Variants in MLC1 observed in about 807,000 individuals in gnomAD.
MLC1 encodes modulator of VRAC current 1.
A neutral mutation model predicts 44.7 loss-of-function variants in MLC1; 32 were observed. That is an observed-to-expected ratio of 0.72 (90% CI 0.54 to 0.96). MLC1 has a LOEUF of 0.96. Among genes scored for constraint, MLC1 ranks in the 40% least tolerant of loss-of-function variants. The pLI is 0.00. For synonymous variants in MLC1, 190 were observed against 213.0 expected (o/e 0.89, Z 0.94); for missense variants, 459 against 492.2 (o/e 0.93, Z 0.64).
chr22:50,083,193 T>A lies in MLC1; in HGVS notation c.178-20A>T, dbSNP rs1569252046. ...GCAGCTCTGCAAGACAGCGACAGAA[T>A]CCCAGGTTACAACGCGCCCCGTCCC... is the stretch of plus-strand genomic sequence containing the variant. On this transcript the variant is annotated intron_variant, in intron 2 of 11. Transcript: ENST00000311597. This position sits in a 1 kb window ranked among gnomAD's most constrained non-coding sequence, Gnocchi z 4.6. 6.2e-7 allele frequency: 1 copy of A among 1,609,770 alleles called. No homozygotes were observed. The highest frequency in any genetic ancestry group is 2.2e-5 in the East Asian group (1 of 44,838).
chr22:50,071,438 G>A (rs1206281253), intron 8 of MLC1, among the ~76,000 whole-genome samples: 2 of 152,146 alleles, frequency 1.3e-5, no homozygotes, highest in Non-Finnish European at 2.9e-5. Context: ...CTCCTGATCC[G>A]GATTCGGTCT....
intron 5 of MLC1, 26 bp from the exon 6 acceptor site, chr22:50,077,528 CA>C: frequency 6.3e-7 from 1 of 1,589,426 alleles, no homozygotes. Flanking sequence ...CACGCTTCAG[CA>C]CCGGGCCCGC....
intron 8 of MLC1, among the ~76,000 whole-genome samples, chr22:50,071,607 C>T (rs2061853937): frequency 6.6e-6 from 1 of 152,164 alleles, no homozygotes; most frequent in African/African-American, 2.4e-5. Context: ...CCTTGGGGAG[C>T]CTCGGAGGAG....
At chr22:50,084,048 G>A (rs1318097134) in intron 2 of MLC1, among the ~76,000 whole-genome samples, 7 of 152,176 alleles carry the variant, frequency 4.6e-5, no homozygotes, top group African/African-American at 7.2e-5. Flanking sequence ...CAGGGCACAG[G>A]GAGGGGAGAA....
intron 3 of MLC1, among the ~76,000 whole-genome samples, chr22:50,082,448 C>T (rs924270242): frequency 3.9e-5 from 6 of 152,222 alleles, no homozygotes; most frequent in African/African-American, 1.4e-4. Context: ...TCTAAAAACA[C>T]AACATGAAGC....
chr22:50,061,331 C>T lies in MLC1; in HGVS notation c.*252G>A, dbSNP rs973713102. ...GGCCCTTCCTCGGCCTGGGAAGTTG[C>T]GGCCATGCTCCTGCTGTTACGACAC... On this transcript the variant is annotated 3_prime_UTR_variant, in exon 12 of 12. Transcript: ENST00000311597. 9 of 549,494 alleles carry T rather than the reference C, an allele frequency of 1.6e-5. No individual in the cohort carries two copies. Among genetic ancestry groups the T allele is most frequent in the East Asian group, 3.1e-5 (1 of 31,974 alleles). 34.0% of individuals were successfully genotyped at this position (549,494 alleles called of 1,614,324 possible).
At position 50,084,845 on chromosome 22, in the gene MLC1, G is replaced by A. The variant is rs533294413; in HGVS notation, c.58C>T (p.Arg20Trp). 1.2e-5 allele frequency: 19 copies of A among 1,613,568 alleles called. No individual in the cohort carries two copies. The highest frequency in any genetic ancestry group is 1.5e-5 in the Non-Finnish European group (18 of 1,180,048). The change falls in exon 2 of 12, where the codon CGG becomes TGG. Residue 20 changes from arginine to tryptophan, a missense_variant. Arg to Trp is a moderately radical substitution (Grantham distance 101). Coordinates refer to ENST00000311597, the MANE Select transcript of MLC1 (RefSeq NM_015166.4). The part of the protein sequence containing the change: ...LAYDRMPTLE[R>W]GRQDPASYAP... ...TAGCTGGCGGGGTCTTGCCGGCCCC[G>A]CTCCAGCGTGGGCATCCGGTCATAG...
At chr22:50,070,059 G>A (rs1337529698) in intron 9 of MLC1, among the ~76,000 whole-genome samples, 2 of 151,962 alleles carry the variant, frequency 1.3e-5, no homozygotes, top group Admixed American at 6.6e-5. Flanking sequence ...AAAATTAGCC[G>A]GGCATGGTGG....
In MLC1 at chr22:50,064,008, GC is replaced by G; in HGVS notation, c.1059+25del. 4.7e-6 allele frequency: 7 copies of G among 1,476,108 alleles called. 1 individual carries two copies. The East Asian group carries it at 7.1e-5, about 15-fold the overall frequency. 91.4% of individuals were successfully genotyped at this position (1,476,108 alleles called of 1,614,324 possible). A position where few individuals can be genotyped will look rare whatever the true frequency, so the allele number is the denominator to read the frequency against. On this transcript the variant is annotated intron_variant, in intron 11 of 11. Transcript: ENST00000311597. The stretch of plus-strand genomic sequence containing the variant: ...CCCGTGGGCCACTCACCTCCCCAGT[GC>G]CCCCTCCCCCTGCAGGCCACTCACC...
intron 8 of MLC1, chr22:50,072,852 A>G (rs1451672356): frequency 6.6e-6 from 1 of 152,408 alleles, no homozygotes; most frequent in Non-Finnish European, 1.5e-5. Context: ...GTGTGGCTCT[A>G]TCCCAGCTCG....
intron 9 of MLC1, among the ~76,000 whole-genome samples, chr22:50,069,152 G>A (rs984652617): frequency 6.6e-6 from 1 of 151,936 alleles, no homozygotes; most frequent in Non-Finnish European, 1.5e-5. Flanking sequence ...TCGGCCTCTT[G>A]AGTAGCTGGG....
chr22:50,080,138 G>A (rs1488177630), intron 4 of MLC1, 119 bp from the exon 5 acceptor site: 10 of 1,004,794 alleles, frequency 1.0e-5, no homozygotes, highest in African/African-American at 1.6e-5. Flanking sequence ...TAATGGTGGG[G>A]AGTCCTGCGT....
chr22:50,067,078 G>A lies in MLC1; in HGVS notation c.894+1355C>T, dbSNP rs139001425. 7.2e-3 allele frequency among the ~76,000 whole-genome samples: 1,090 copies of A among 152,252 alleles called. 12 individuals carry two copies. Among genetic ancestry groups the A allele is most frequent in the African/African-American group, 0.025 (1,026 of 41,528 alleles). ...GGTGGTAATATTGTCTCTTGTAATC[G>A]TGAACAATTATATGCATATTGTAAG... On this transcript the variant is annotated intron_variant, in intron 10 of 11. Transcript: ENST00000311597.
At chr22:50,075,104 GCCGCAACCAGCACCGCCAGA>G (rs1414530343) in intron 7 of MLC1, among the ~76,000 whole-genome samples, 6 of 148,472 alleles carry the variant, frequency 4.0e-5, no homozygotes, top group South Asian at 2.1e-4. Context: ...CACCATCAGG[GCCGCAACCAGCACCGCCAGA>G]CTCAGGGAGG....
rs375953172 is a variant in MLC1, at chr22:50,077,538, G to A, written c.424-36C>T. On this transcript the variant is annotated intron_variant, in intron 5 of 11. Coordinates refer to ENST00000311597, the MANE Select transcript of MLC1 (RefSeq NM_015166.4). ...GCACACACGCTTCAGCACCGGGCCC[G>A]CCTTTCTCACGCCACCGCGCTTCAG... is the stretch of plus-strand genomic sequence containing the variant. The A allele has an allele frequency of 1.6e-5, 25 of 1,554,478 alleles. 1 individual carries two copies. The highest frequency in any genetic ancestry group is 1.5e-4 in the African/African-American group (11 of 73,702).
intron 4 of MLC1, 137 bp downstream of exon 4, chr22:50,080,207 C>T (rs944615660): frequency 3.3e-5 from 40 of 1,227,096 alleles, no homozygotes; most frequent in Non-Finnish European, 4.4e-5. Context: ...GCTTTACTGT[C>T]TGGGGGGCAA....
chr22:50,075,640 G>A (rs1419286026), intron 7 of MLC1, among the ~76,000 whole-genome samples: 1 of 150,256 alleles, frequency 6.7e-6, no homozygotes, highest in Admixed American at 6.6e-5. Context: ...AACTCAGGAG[G>A]CAGAGGTTGC....
At chr22:50,081,021 G>GAAAGAAAGAA (rs1555967997) in intron 3 of MLC1, among the ~76,000 whole-genome samples, 1 of 143,464 alleles carries the variant, frequency 7.0e-6, no homozygotes, top group Non-Finnish European at 1.5e-5. Context: ...AAGAAAGAAA[G>GAAAGAAAGAA]AAAGAAAGAA....
At chr22:50,078,564 C>T (rs1388919738) in intron 5 of MLC1, among the ~76,000 whole-genome samples, 3 of 150,866 alleles carry the variant, frequency 2.0e-5, no homozygotes, top group Admixed American at 6.6e-5. Context: ...CATGGTGAAA[C>T]CCCTTGTCTA....
Sources: gnomAD v4.1 joint callset for allele counts (sites outside exome capture counted in the v4.1 genomes callset) on GRCh38, gnomAD v4.1.1 for gene constraint, Gnocchi (gnomAD v3.1) non-coding constraint, MANE v1.5 for transcripts, NCBI Gene and HGNC (gene_info 2026-07-23, HGNC 2026-07-21) for gene names.